SPMIP2: variants seen among roughly 807,000 people sequenced by gnomAD.
SPMIP2 encodes sperm microtubule inner protein 2, also known as protein SPMIP2.
chr4:159,047,454 T>C, the SPMIP2 span, among the ~76,000 whole-genome samples: 1 of 152,254 alleles, frequency 6.6e-6, no homozygotes, highest in African/African-American at 2.4e-5. Context: ...AGATTTTAAA[T>C]TAGAAACATT....
At chr4:159,032,335 T>A in the SPMIP2 span, among the ~76,000 whole-genome samples, 6 of 152,332 alleles carry the variant, frequency 3.9e-5, no homozygotes, top group African/African-American at 1.4e-4. Flanking sequence ...ACCTGCTAAT[T>A]CTGCTCTCTC....
the SPMIP2 span, among the ~76,000 whole-genome samples, chr4:159,058,245 T>G: frequency 2.6e-5 from 4 of 152,078 alleles, no homozygotes; most frequent in Non-Finnish European, 5.9e-5. Context: ...TTTAATAGTA[T>G]TATTTTCTAA....
At chr4:158,977,773 C>A in the SPMIP2 span, among the ~76,000 whole-genome samples, 2 of 151,972 alleles carry the variant, frequency 1.3e-5, no homozygotes, top group Non-Finnish European at 2.9e-5. Context: ...CGCCACCACG[C>A]CCAGCTAATT....
the SPMIP2 span, among the ~76,000 whole-genome samples, chr4:159,057,687 CAAATA>C: frequency 6.6e-6 from 1 of 151,832 alleles, no homozygotes; most frequent in African/African-American, 2.4e-5. Flanking sequence ...GCATGTTTAC[CAAATA>C]AAATATTATA....
the SPMIP2 span, chr4:158,893,571 C>G: frequency 1.4e-6 from 1 of 717,852 alleles, no homozygotes; most frequent in South Asian, 2.1e-5. Flanking sequence ...TAAGCTGAAG[C>G]GTACTCTTGC....
the SPMIP2 span, among the ~76,000 whole-genome samples, chr4:159,036,058 GA>G: frequency 1.3e-5 from 2 of 152,184 alleles, no homozygotes; most frequent in African/African-American, 4.8e-5. Context: ...ATAATTGTAT[GA>G]ACAGTAATTC....
At chr4:159,069,774 T>C in the SPMIP2 span, among the ~76,000 whole-genome samples, 3 of 152,268 alleles carry the variant, frequency 2.0e-5, no homozygotes, top group East Asian at 3.9e-4. Context: ...TCTTTTTTAT[T>C]CCTAATGAAG....
chr4:158,983,714 G>C, the SPMIP2 span, among the ~76,000 whole-genome samples: 7 of 79,300 alleles, frequency 8.8e-5, no homozygotes, highest in Non-Finnish European at 1.2e-4. Flanking sequence ...AGACCATCGA[G>C]ACTAGGAAGA....
chr4:158,893,725 AG>A, the SPMIP2 span: 3 of 1,572,096 alleles, frequency 1.9e-6, no homozygotes, highest in African/African-American at 4.0e-5. Flanking sequence ...TTTCTGTAAG[AG>A]AAGTAATGTA....
At chr4:158,934,416 C>T in the SPMIP2 span, among the ~76,000 whole-genome samples, 3 of 152,054 alleles carry the variant, frequency 2.0e-5, no homozygotes, top group African/African-American at 4.8e-5. Context: ...GAGCCAAGAT[C>T]GTGCCACTGC....
chr4:158,974,082 T>C, the SPMIP2 span, among the ~76,000 whole-genome samples: 10 of 151,764 alleles, frequency 6.6e-5, no homozygotes, highest in Non-Finnish European at 1.5e-4. Flanking sequence ...GTGTTTTATC[T>C]AGGTAGATAA....
At chr4:158,979,792 T>TG in the SPMIP2 span, among the ~76,000 whole-genome samples, 1 of 68,974 alleles carries the variant, frequency 1.4e-5, no homozygotes, top group Non-Finnish European at 3.4e-5. Context: ...TGCAAGAGTT[T>TG]TTTTTTTTTT....
chr4:159,047,267 G>A, the SPMIP2 span, among the ~76,000 whole-genome samples: 6 of 151,944 alleles, frequency 3.9e-5, no homozygotes, highest in African/African-American at 7.3e-5. Context: ...AAATAAATTT[G>A]CTCCAAAAAG....
the SPMIP2 span, among the ~76,000 whole-genome samples, chr4:158,964,176 AC>A: frequency 0.31 from 25,772 of 82,956 alleles, 4,005 homozygotes; most frequent in Non-Finnish European, 0.44. Flanking sequence ...ACAAAACAAA[AC>A]AAAACAAAAC....
At chr4:158,893,995 A>C in the SPMIP2 span, among the ~76,000 whole-genome samples, 1 of 152,248 alleles carries the variant, frequency 6.6e-6, no homozygotes, top group East Asian at 1.9e-4. Flanking sequence ...CTTGAATGAA[A>C]CCTGTGATTA....
At chr4:158,981,170 G>T in the SPMIP2 span, among the ~76,000 whole-genome samples, 1 of 152,122 alleles carries the variant, frequency 6.6e-6, no homozygotes, top group Admixed American at 6.6e-5. Context: ...AGAATGAAAA[G>T]GAAGGAACAA....
the SPMIP2 span, among the ~76,000 whole-genome samples, chr4:158,998,813 A>G: frequency 6.6e-6 from 1 of 152,074 alleles, no homozygotes; most frequent in Non-Finnish European, 1.5e-5. Flanking sequence ...CACAACCGAC[A>G]CTGGACTGGG....
the SPMIP2 span, among the ~76,000 whole-genome samples, chr4:159,027,631 G>T: frequency 6.6e-6 from 1 of 152,174 alleles, no homozygotes; most frequent in Non-Finnish European, 1.5e-5. Context: ...AACTGCATTT[G>T]CAGTAGGACT....
the SPMIP2 span, among the ~76,000 whole-genome samples, chr4:158,931,832 G>C: frequency 6.6e-6 from 1 of 152,076 alleles, no homozygotes; most frequent in Non-Finnish European, 1.5e-5. Flanking sequence ...CAAAGTGCTG[G>C]TATTACAGGT....
Sources: allele counts gnomAD v4.1 joint callset (sites outside exome capture counted in the v4.1 genomes callset), GRCh38; gene constraint gnomAD v4.1.1; transcripts MANE v1.5; gene names NCBI Gene and HGNC (gene_info 2026-07-23, HGNC 2026-07-21).